EPB41L3: variants seen among roughly 807,000 people sequenced by gnomAD.
EPB41L3 encodes erythrocyte membrane protein band 4.1 like 3.
Under a neutral mutation model 127.1 loss-of-function variants are expected in EPB41L3, and 57 were observed. That is an observed-to-expected ratio of 0.45 (90% CI 0.36 to 0.56). EPB41L3 has a LOEUF of 0.56. Among genes scored for constraint, EPB41L3 ranks in the 20% least tolerant of loss-of-function variants. The pLI is 0.00. For synonymous variants in EPB41L3, 572 were observed against 549.5 expected (o/e 1.04, Z -0.57); for missense variants, 1,273 against 1,372.2 (o/e 0.93, Z 1.14).
At chr18:5,514,470 C>T (rs2148716242) in intron 1 of EPB41L3, among the ~76,000 whole-genome samples, 1 of 152,264 alleles carries the variant, frequency 6.6e-6, no homozygotes. Flanking sequence ...TCTATTTGTA[C>T]ATAAATATTA....
Position 5,397,947 on chromosome 18 carries a change from T to G in EPB41L3, c.2472+74A>C, listed in dbSNP as rs1050605961. 2.5e-6 allele frequency: 4 copies of G among 1,593,776 alleles called. No individual in the cohort carries two copies. The highest frequency in any genetic ancestry group is 2.2e-5 in the South Asian group (2 of 89,154). On this transcript the variant is annotated intron_variant, in intron 17 of 22. Transcript: ENST00000341928. This position sits in a 1 kb window ranked among gnomAD's most constrained non-coding sequence, Gnocchi z 4.1. ...AAGCCAGCTGGATGCAACCACACAC[T>G]CACGCCCAAAAAAAGGGTAAGGAAA... is the stretch of plus-strand genomic sequence containing the variant.
At chr18:5,507,122 C>G (rs1189325962) in intron 1 of EPB41L3, among the ~76,000 whole-genome samples, 1 of 152,222 alleles carries the variant, frequency 6.6e-6, no homozygotes, top group East Asian at 1.9e-4. Flanking sequence ...ATCCTAAATC[C>G]TGACCCTAAT....
intron 3 of EPB41L3, among the ~76,000 whole-genome samples, chr18:5,458,573 T>C (rs1488341949): frequency 6.6e-6 from 1 of 152,168 alleles, no homozygotes; most frequent in African/African-American, 2.4e-5. Context: ...TGGGGATGTG[T>C]CTTGGATTCC....
intron 4 of EPB41L3, 57 bp from the exon 5 acceptor site, chr18:5,443,937 G>T: frequency 6.9e-7 from 1 of 1,441,740 alleles, no homozygotes; most frequent in Non-Finnish European, 9.7e-7. Context: ...ATGACTTAAT[G>T]TTGATTAGGT....
chr18:5,534,120 G>A (rs925431008), intron 1 of EPB41L3, among the ~76,000 whole-genome samples: 3 of 152,070 alleles, frequency 2.0e-5, no homozygotes, highest in Non-Finnish European at 4.4e-5. Flanking sequence ...CCGAGATCTC[G>A]CCACTGCACT....
At position 5,397,811 on chromosome 18, in the gene EPB41L3, G is replaced by A. The variant is rs968556880; in HGVS notation, c.2472+210C>T. On this transcript the variant is annotated intron_variant, in intron 17 of 22. Transcript: ENST00000341928. The surrounding 1 kb of genome is among the most constrained non-coding windows in gnomAD (Gnocchi z 4.1). ...TCTATTAAAATTTCTCAATATGATC[G>A]CCTTTCGAATAGTGAAGTACATTCT... is the stretch of plus-strand genomic sequence containing the variant. Among the ~76,000 whole-genome samples, 4 of 152,102 alleles carry A rather than the reference G, an allele frequency of 2.6e-5. No homozygotes were observed. The highest frequency in any genetic ancestry group is 4.8e-5 in the African/African-American group (2 of 41,386).
At chr18:5,437,820 A>G (rs1459988800) in intron 6 of EPB41L3, among the ~76,000 whole-genome samples, 1 of 152,206 alleles carries the variant, frequency 6.6e-6, no homozygotes, top group Admixed American at 6.5e-5. Context: ...GGTCAAGCAG[A>G]GGGAATATCA....
chr18:5,489,261 G>C, intron 1 of EPB41L3, 67 bp from the exon 2 acceptor site: 1 of 1,523,886 alleles, frequency 6.6e-7, no homozygotes, highest in Non-Finnish European at 8.7e-7. Context: ...AAGAAAACTA[G>C]GATGCTCACC....
chr18:5,463,829 C>G (rs112979859), intron 3 of EPB41L3: 1 of 152,306 alleles, frequency 6.6e-6, no homozygotes, highest in Non-Finnish European at 1.5e-5. Flanking sequence ...CTGGCCTATG[C>G]AAAACGTGAG....
intron 1 of EPB41L3, among the ~76,000 whole-genome samples, chr18:5,517,350 G>T (rs1481368669): frequency 2.6e-5 from 4 of 151,970 alleles, no homozygotes; most frequent in African/African-American, 4.8e-5. Context: ...AGTTTTCTGG[G>T]TATCTCCCCA....
chr18:5,456,878 A>G (rs557637756), intron 3 of EPB41L3, among the ~76,000 whole-genome samples: 1 of 152,326 alleles, frequency 6.6e-6, no homozygotes, highest in East Asian at 1.9e-4. Context: ...GCCTGGTCTA[A>G]TTCGAGAACC....
chr18:5,570,104 T>G (rs901838045), intron 3 of EPB41L3: 5 of 118,752 alleles, frequency 4.2e-5, no homozygotes, highest in African/African-American at 1.2e-4. Context: ...ACAACTGTGC[T>G]TTGATTGGTC....
intron 13 of EPB41L3, among the ~76,000 whole-genome samples, 194 bp from the exon 14 acceptor site, chr18:5,410,813 A>T (rs1351828695): frequency 6.6e-6 from 1 of 152,178 alleles, no homozygotes; most frequent in East Asian, 1.9e-4. Context: ...TGTCATCAAC[A>T]GAGCCAACTC....
At chr18:5,531,672 T>G (rs1403880287) in intron 1 of EPB41L3, among the ~76,000 whole-genome samples, 4 of 135,608 alleles carry the variant, frequency 2.9e-5, no homozygotes, top group African/African-American at 8.6e-5. Flanking sequence ...GAGGTTGCGG[T>G]GAGCCAAGAT....
intron 1 of EPB41L3, among the ~76,000 whole-genome samples, chr18:5,497,779 A>G (rs563112233): frequency 6.6e-6 from 1 of 152,368 alleles, no homozygotes; most frequent in Non-Finnish European, 1.5e-5. Flanking sequence ...TGACAGCTCC[A>G]GTCTTCCAAA....
At chr18:5,522,017 C>T (rs975604940) in intron 1 of EPB41L3, among the ~76,000 whole-genome samples, 2 of 152,212 alleles carry the variant, frequency 1.3e-5, no homozygotes, top group African/African-American at 4.8e-5. Flanking sequence ...TATCAACACA[C>T]CTCAAAACGA....
intron 1 of EPB41L3, among the ~76,000 whole-genome samples, chr18:5,542,909 A>C (rs970390615): frequency 1.3e-5 from 2 of 152,198 alleles, no homozygotes; most frequent in Non-Finnish European, 2.9e-5. Flanking sequence ...CGAAAAAGCA[A>C]GCCCCTGCGG....
chr18:5,438,108 C>T lies in EPB41L3; in HGVS notation c.532G>A (p.Gly178Ser). ...ACATTAAATGAAAAGTGCCAAGCAC[C>T]ACCTGCAAGGATGGAAAAAAATTAG... is the stretch of plus-strand genomic sequence containing the variant. ...AKEIKKQVRS[G>S]AWHFSFNVKF... is the part of the protein sequence containing the mutation. The change falls in exon 6 of 23, where the codon GGT (glycine) becomes AGT (serine). Residue 178 changes from glycine to serine, a missense_variant and splice_region_variant. Gly to Ser is a moderately conservative substitution (Grantham distance 56). This residue lies in a region of EPB41L3 where 326 missense variants were observed against 440.2 expected (regional missense o/e 0.74). Transcript: ENST00000341928. The T allele has an allele frequency of 6.2e-7, 1 of 1,613,130 alleles. No individual in the cohort carries two copies. The highest frequency in any genetic ancestry group is 8.5e-7 in the Non-Finnish European group (1 of 1,179,736).
intron 3 of EPB41L3, among the ~76,000 whole-genome samples, chr18:5,609,209 G>T (rs1269056952): frequency 1.3e-5 from 2 of 152,136 alleles, no homozygotes; most frequent in Non-Finnish European, 2.9e-5. Flanking sequence ...TTTTCCTATG[G>T]AGGTATGCCT....
Sources: gnomAD v4.1 joint callset for allele counts (sites outside exome capture counted in the v4.1 genomes callset) on GRCh38, gnomAD v4.1.1 for gene constraint, gnomAD v4.1.1 regional missense constraint, Gnocchi (gnomAD v3.1) non-coding constraint, MANE v1.5 for transcripts, NCBI Gene and HGNC (gene_info 2026-07-23, HGNC 2026-07-21) for gene names.